UBE2E1: variants seen among roughly 807,000 people sequenced by gnomAD.
UBE2E1 encodes the protein ubiquitin-conjugating enzyme E2 E1.
UBE2E1 carries 6 observed loss-of-function variants against 21.4 expected under a neutral mutation model. The observed-to-expected ratio is 0.28, with a 90% confidence interval of 0.15 to 0.55. The LOEUF (loss-of-function observed/expected upper bound fraction) is 0.55, where lower values mean the gene tolerates loss of function less well. Ranked by LOEUF, UBE2E1 falls within the 20% of genes least tolerant of loss-of-function variation. The pLI is 0.93. For synonymous variants in UBE2E1, 87 were observed against 82.7 expected, an observed-to-expected ratio of 1.05 and a Z score of -0.28; for missense variants, 142 against 236.5, an observed-to-expected ratio of 0.60 and a Z score of 2.62.
rs1438171175 is a variant in UBE2E1, at chr3:23,863,028, A to T, written c.204-24539A>T. Among the ~76,000 whole-genome samples the T allele has an allele frequency of 6.7e-6, 1 of 148,638 alleles. No individual in the cohort carries two copies. The highest frequency in any genetic ancestry group is 1.5e-5 in the Non-Finnish European group (1 of 67,602). Reference sequence around the variant, plus strand: ...TTGAAATTATACACTAACATAGTTTAAAGGCTTTAATATTTCTTTGTTTGT... The same window carrying T: ...TTGAAATTATACACTAACATAGTTTTAAGGCTTTAATATTTCTTTGTTTGT... On this transcript the variant is annotated intron_variant, in intron 3 of 5. Coordinates refer to ENST00000306627, the MANE Select transcript of UBE2E1 (RefSeq NM_003341.5). The surrounding 1 kb of genome is among the most constrained non-coding windows in gnomAD (Gnocchi z 4.3).
At chr3:23,857,994 G>C (rs2125311701) in intron 3 of UBE2E1, among the ~76,000 whole-genome samples, 1 of 152,122 alleles carries the variant, frequency 6.6e-6, no homozygotes, top group Non-Finnish European at 1.5e-5. Flanking sequence ...GCTAATTTTT[G>C]TATTTTTATT....
chr3:23,821,300 G>A (rs755446818), intron 3 of UBE2E1, among the ~76,000 whole-genome samples: 38 of 152,178 alleles, frequency 2.5e-4, no homozygotes, highest in Non-Finnish European at 4.6e-4. Context: ...TTTGGTCAAA[G>A]ACCTAAAAGA....
rs1553637739 is a variant in UBE2E1 at position 23,842,247 on chromosome 3, G to GT, written c.203+30738dup. Among the ~76,000 whole-genome samples, 144 of 19,126 alleles carry GT rather than the reference G, an allele frequency of 7.5e-3. No individual in the cohort carries two copies. Among genetic ancestry groups the GT allele is most frequent in the African/African-American group, 0.028 (138 of 4,900 alleles). 12.5% of individuals were successfully genotyped at this position (19,126 alleles called of 152,430 possible). ...TGTGTGTGTGTGTGTGTGTGTGTGT[G>GT]TGGTGTTGTTGTTGTTGGCGACAGG... On this transcript the variant is annotated intron_variant, in intron 3 of 5. Transcript: ENST00000306627. The surrounding 1 kb of genome is among the most constrained non-coding windows in gnomAD (Gnocchi z 4.6).
chr3:23,884,152 G>C (rs190174316), intron 3 of UBE2E1, among the ~76,000 whole-genome samples: 1 of 152,142 alleles, frequency 6.6e-6, no homozygotes, highest in East Asian at 1.9e-4. Flanking sequence ...TTGTCATTAT[G>C]TAGTTGTACT....
At chr3:23,890,402 T>G (rs1421401658) in intron 5 of UBE2E1, 107 bp from the exon 6 acceptor site, 2 of 995,926 alleles carry the variant, frequency 2.0e-6, no homozygotes, top group African/African-American at 1.7e-5. Context: ...AAGATGGGTT[T>G]GATCACACAT....
chr3:23,824,663 G>A (rs1175058648), intron 3 of UBE2E1, among the ~76,000 whole-genome samples: 4 of 152,216 alleles, frequency 2.6e-5, no homozygotes, highest in African/African-American at 7.2e-5. Context: ...CTGAAGATGC[G>A]TAGAAAGAAA....
At chr3:23,817,123 C>G (rs1307380535) in intron 3 of UBE2E1, among the ~76,000 whole-genome samples, 1 of 152,130 alleles carries the variant, frequency 6.6e-6, no homozygotes, top group Non-Finnish European at 1.5e-5. Flanking sequence ...AAATTCCTGT[C>G]ACAAACTTTG....
chr3:23,854,478 A>G (rs1700394014), intron 3 of UBE2E1, among the ~76,000 whole-genome samples: 1 of 152,192 alleles, frequency 6.6e-6, no homozygotes, highest in Non-Finnish European at 1.5e-5. Context: ...TCTTAATGAC[A>G]CTGTCTGTCC....
At position 23,889,101 on chromosome 3, in the gene UBE2E1, G is replaced by T. The variant is rs933194527; in HGVS notation, c.337-11G>T. On this transcript the variant is annotated splice_polypyrimidine_tract_variant and intron_variant, in intron 4 of 5. Coordinates refer to ENST00000306627, the MANE Select transcript of UBE2E1 (RefSeq NM_003341.5). ...GCTGTTTAAATATTGTCTGTCACTT[G>T]TTTTTTTTAGGTTACATTTCGGACA... 2 of 1,582,548 alleles carry T rather than the reference G, an allele frequency of 1.3e-6. No homozygotes were observed. The highest frequency in any genetic ancestry group is 1.8e-5 in the Admixed American group (1 of 54,290).
intron 3 of UBE2E1, among the ~76,000 whole-genome samples, chr3:23,841,845 ACT>A (rs1194950441): frequency 6.6e-6 from 1 of 151,852 alleles, no homozygotes; most frequent in Non-Finnish European, 1.5e-5. Context: ...TTTTTATATG[ACT>A]CTCCTAGATC....
In UBE2E1 at chr3:23,888,515, G is replaced by C. The variant is rs553401089; in HGVS notation, c.337-597G>C. Among the ~76,000 whole-genome samples the C allele has an allele frequency of 2.0e-5, 3 of 152,318 alleles. No individual in the cohort carries two copies. The South Asian group carries it at 6.2e-4, about 32-fold the overall frequency. ...CAGCTTATGTGACTTGTGTTCTGCT[G>C]TGGTCCTTGCCCATTACTGGCTCTG... On this transcript the variant is annotated intron_variant, in intron 4 of 5. Transcript: ENST00000306627.
chr3:23,839,405 A>G (rs1700038259), intron 3 of UBE2E1, among the ~76,000 whole-genome samples: 1 of 152,086 alleles, frequency 6.6e-6, no homozygotes, highest in South Asian at 2.1e-4. Flanking sequence ...CAGAGGTTGC[A>G]GTGAGCCAAG....
rs1225366874 is a variant in UBE2E1, at chr3:23,889,362, G to A, written c.484+103G>A. The A allele has an allele frequency of 1.9e-6, 3 of 1,569,106 alleles. No homozygotes were observed. The Admixed American group carries it at 5.7e-5, about 30-fold the overall frequency. On this transcript the variant is annotated intron_variant, in intron 5 of 5. Transcript: ENST00000306627. ...AAAACTAATTTTTCTGCACAAGTTT[G>A]TGAATACAAAAACTAATCGGCTTTT...
At chr3:23,814,637 A>G (rs1214848033) in intron 3 of UBE2E1, among the ~76,000 whole-genome samples, 1 of 152,236 alleles carries the variant, frequency 6.6e-6, no homozygotes, top group African/African-American at 2.4e-5. Context: ...AAAGCGTGCC[A>G]GATCTTAGAT....
intron 3 of UBE2E1, among the ~76,000 whole-genome samples, chr3:23,880,393 A>G (rs1701011429): frequency 1.3e-5 from 2 of 151,962 alleles, no homozygotes; most frequent in African/African-American, 2.4e-5. Flanking sequence ...TAAAAATAAT[A>G]ATAATGGATA....
intron 3 of UBE2E1, among the ~76,000 whole-genome samples, chr3:23,883,386 C>T (rs1179449405): frequency 6.6e-6 from 1 of 152,142 alleles, no homozygotes; most frequent in Admixed American, 6.6e-5. Flanking sequence ...ACTCCCTATT[C>T]TTCTGACACT....
intron 3 of UBE2E1, among the ~76,000 whole-genome samples, chr3:23,824,246 T>A (rs558329209): frequency 1.5e-4 from 23 of 152,274 alleles, no homozygotes; most frequent in African/African-American, 5.5e-4. Flanking sequence ...CCCAGACTTA[T>A]TTGTTATGGA....
intron 3 of UBE2E1, among the ~76,000 whole-genome samples, chr3:23,821,852 G>A (rs959508913): frequency 7.2e-5 from 11 of 152,118 alleles, no homozygotes; most frequent in African/African-American, 1.7e-4. Context: ...TTCCCATGAG[G>A]CATCCAAATG....
chr3:23,864,628 A>C (rs1190695421), intron 3 of UBE2E1, among the ~76,000 whole-genome samples: 1 of 152,122 alleles, frequency 6.6e-6, no homozygotes, highest in East Asian at 1.9e-4. Flanking sequence ...AGTGCAATGT[A>C]TTCTGTCTCT....
Sources: allele counts gnomAD v4.1 joint callset (sites outside exome capture counted in the v4.1 genomes callset), GRCh38; gene constraint gnomAD v4.1.1; non-coding constraint Gnocchi (gnomAD v3.1); transcripts MANE v1.5; gene names NCBI Gene and HGNC (gene_info 2026-07-23, HGNC 2026-07-21).